The following CLCA1 variants were observed in gnomAD, a reference collection of about 807,000 sequenced individuals.
CLCA1 encodes the protein calcium-activated chloride channel regulator 1.
A neutral mutation model predicts 85.6 loss-of-function variants in CLCA1; 59 were observed. That is an observed-to-expected ratio of 0.69 (90% CI 0.56 to 0.86). CLCA1 has a LOEUF of 0.86. Among genes scored for constraint, CLCA1 ranks in the 40% least tolerant of loss-of-function variants. The pLI, the probability that CLCA1 is intolerant of heterozygous loss-of-function variation, is 0.00. For synonymous variants in CLCA1, 396 were observed against 398.3 expected, an observed-to-expected ratio of 0.99 and a Z score of 0.07; for missense variants, 1,022 against 1,101.4, an observed-to-expected ratio of 0.93 and a Z score of 1.02.
chr1:86,484,247 T>C (rs2791510), intron 5 of CLCA1, among the ~76,000 whole-genome samples: 131,802 of 152,208 alleles, frequency 0.87, 57,093 homozygotes, highest in Admixed American at 0.89. Flanking sequence ...CTACAAGATA[T>C]CGTGAAGCTA....
intron 12 of CLCA1, among the ~76,000 whole-genome samples, chr1:86,498,165 AGGAAGGAAGGAAGGAAGGAAGGAT>A (rs1385761343): frequency 1.3e-4 from 17 of 126,380 alleles, no homozygotes; most frequent in Middle Eastern, 4.0e-3. Flanking sequence ...AAAGGAAGGA[AGGAAGGAAGGAAGGAAGGAAGGAT>A]GGAAGGAAGG....
At position 86,494,098 on chromosome 1, in the gene CLCA1, A is replaced by G. The variant is rs185303379; in HGVS notation, c.1681-89A>G. 6.3e-6 allele frequency: 9 copies of G among 1,439,024 alleles called. No homozygotes were observed. The East Asian group carries it at 1.6e-4, about 26-fold the overall frequency. The allele number at this position is 1,439,024 out of a possible 1,614,324, so 89.1% of individuals were successfully genotyped here. On this transcript the variant is annotated intron_variant, in intron 10 of 13. Coordinates refer to ENST00000394711, the MANE Select transcript of CLCA1 (RefSeq NM_001285.4). Reference sequence around the variant, plus strand: ...TTAGATATGCTTCCAACATGCTTATATCAGAGGGTTTTCCCGTACGTGACA... The same window carrying G: ...TTAGATATGCTTCCAACATGCTTATGTCAGAGGGTTTTCCCGTACGTGACA...
In CLCA1 at chr1:86,474,813, T is replaced by C. The variant is rs1452050889; in HGVS notation, c.451+937T>C. Among the ~76,000 whole-genome samples, 5 of 152,188 alleles carry C rather than the reference T, an allele frequency of 3.3e-5. No individual in the cohort carries two copies. In the East Asian group the frequency reaches 7.7e-4, roughly 23 times the overall value. The stretch of plus-strand genomic sequence containing the variant: ...AGGAAATATTAAACAAGTAATGACA[T>C]ATATATAAAATGTACTTTCCAAGAA... On this transcript the variant is annotated intron_variant, in intron 3 of 13. Transcript: ENST00000394711.
chr1:86,485,736 T>C (rs897485979), intron 6 of CLCA1, among the ~76,000 whole-genome samples, 175 bp downstream of exon 6: 3 of 152,230 alleles, frequency 2.0e-5, no homozygotes, highest in Non-Finnish European at 4.4e-5. Context: ...CAGCATCAAC[T>C]ATCTCATTTG....
At position 86,485,805 on chromosome 1, in the gene CLCA1, C is replaced by T. The variant is rs1302722299; in HGVS notation, c.954+244C>T. On this transcript the variant is annotated intron_variant, in intron 6 of 13. Coordinates refer to ENST00000394711, the MANE Select transcript of CLCA1 (RefSeq NM_001285.4). ...GATCTGATGAATTATATGAGCTTAA[C>T]ATTTTTAATGTTTCACTGACAATAT... Among the ~76,000 whole-genome samples the T allele has an allele frequency of 5.9e-5, 9 of 152,256 alleles. No homozygotes were observed. In the East Asian group the frequency reaches 1.4e-3, roughly 23 times the overall value.
intron 5 of CLCA1, among the ~76,000 whole-genome samples, 200 bp from the exon 6 acceptor site, chr1:86,485,143 A>T (rs576204931): frequency 1.3e-5 from 2 of 152,290 alleles, no homozygotes; most frequent in Non-Finnish European, 2.9e-5. Context: ...GCTGAGGAGC[A>T]CTAAGGGTCC....
chr1:86,474,037 A>AT, intron 3 of CLCA1, among the ~76,000 whole-genome samples, 161 bp downstream of exon 3: 1 of 152,386 alleles, frequency 6.6e-6, no homozygotes, highest in East Asian at 1.9e-4. Context: ...CATTTCACTT[A>AT]GAATTTCCAG....
intron 3 of CLCA1, among the ~76,000 whole-genome samples, chr1:86,476,063 ATGC>A (rs1335006110): frequency 6.6e-6 from 1 of 152,080 alleles, no homozygotes; most frequent in Non-Finnish European, 1.5e-5. Context: ...TTGGTTGAGG[ATGC>A]TGCCCTGGCT....
At chr1:86,475,007 A>T (rs978068755) in intron 3 of CLCA1, among the ~76,000 whole-genome samples, 2 of 152,098 alleles carry the variant, frequency 1.3e-5, no homozygotes, top group Non-Finnish European at 1.5e-5. Flanking sequence ...GCGCTTAAAG[A>T]CCTGGTCAAA....
chr1:86,493,236 G>A lies in CLCA1; in HGVS notation c.1465-148G>A, dbSNP rs953597494. On this transcript the variant is annotated intron_variant, in intron 9 of 13. Transcript: ENST00000394711. ...AAGGCTAGAAAGGTAACTTAGAACT[G>A]CATCATAATTGCTCCTAACACCAAA... The A allele has an allele frequency of 2.0e-5, 13 of 639,118 alleles. No homozygotes were observed. In the South Asian group the frequency reaches 2.5e-4, roughly 12 times the overall value. The allele number at this position is 639,118 out of a possible 1,614,324, so 39.6% of individuals were successfully genotyped here.
chr1:86,491,613 A>G (rs1315164638), intron 9 of CLCA1, among the ~76,000 whole-genome samples: 1 of 152,252 alleles, frequency 6.6e-6, no homozygotes, highest in Admixed American at 6.5e-5. Context: ...GTCAGCAGAT[A>G]AAATGTCATA....
intron 3 of CLCA1, 33 bp from the exon 4 acceptor site, chr1:86,476,415 T>C (rs1446039221): frequency 9.2e-7 from 1 of 1,088,094 alleles, no homozygotes; most frequent in East Asian, 2.4e-5. Context: ...GCCATTCTTA[T>C]TGTAATCAGT....
At chr1:86,475,837 A>G (rs938993836) in intron 3 of CLCA1, among the ~76,000 whole-genome samples, 1 of 152,204 alleles carries the variant, frequency 6.6e-6, no homozygotes, top group East Asian at 1.9e-4. Flanking sequence ...AAGGCTGCAG[A>G]GAAGAGCAGG....
chr1:86,473,919 T>C, intron 3 of CLCA1, 43 bp downstream of exon 3: 1 of 1,458,382 alleles, frequency 6.9e-7, no homozygotes, highest in Non-Finnish European at 9.3e-7. Context: ...TTTAACTATT[T>C]TATGTTCAAA....
In CLCA1 at chr1:86,498,589, C is replaced by T. The variant is rs778515567; in HGVS notation, c.2131C>T (p.Pro711Ser). Reference sequence around the variant, plus strand: ...TAATGCAGATGAAATACAATGGAATCCACCAAGACCTGAAATTAATAAGGA... The same window carrying T: ...TAATGCAGATGAAATACAATGGAATTCACCAAGACCTGAAATTAATAAGGA... ...WIENDEIQWNPPRPEINKDDV... is the reference protein window; with the variant it reads ...WIENDEIQWNSPRPEINKDDV... Residue 711 changes from proline to serine, a missense_variant, in exon 13 of 14, where the codon CCA (proline) becomes TCA (serine). By Grantham distance (74) the Pro-to-Ser change is moderately conservative. Transcript: ENST00000394711. 6.2e-7 allele frequency: 1 copy of T among 1,613,038 alleles called. No homozygotes were observed. Among genetic ancestry groups the T allele is most frequent in the South Asian group, 1.1e-5 (1 of 91,002 alleles).
chr1:86,486,875 T>A, intron 7 of CLCA1, 122 bp downstream of exon 7: 1 of 828,820 alleles, frequency 1.2e-6, no homozygotes, highest in East Asian at 2.6e-5. Flanking sequence ...CAAGGAGCAA[T>A]ATTCCATATT....
At chr1:86,485,275 C>A in intron 5 of CLCA1, 68 bp from the exon 6 acceptor site, 1 of 1,265,454 alleles carries the variant, frequency 7.9e-7, no homozygotes, top group Non-Finnish European at 1.1e-6. Flanking sequence ...GCAGACAGGT[C>A]TAACAAATTA....
At position 86,493,416 on chromosome 1, in the gene CLCA1, C is replaced by G; in HGVS notation, c.1497C>G (p.Ser499Arg). Residue 499 changes from serine (S) to arginine (R), a missense_variant, in exon 10 of 14, where the codon AGC becomes AGG. Transcript: ENST00000394711. ...GTAAGGGATTAACCCTCCAGAACAG[C>G]CAGTGGATGAATGGCACAGTGATCG... Reference protein sequence around the residue: ...LESKGLTLQNSQWMNGTVIVD... With the variant: ...LESKGLTLQNRQWMNGTVIVD... The G allele has an allele frequency of 6.2e-7, 1 of 1,613,960 alleles. No homozygotes were observed. The highest frequency in any genetic ancestry group is 8.5e-7 in the Non-Finnish European group (1 of 1,179,926).
At chr1:86,472,026 G>GTT (rs111327696) in intron 1 of CLCA1, among the ~76,000 whole-genome samples, 17,971 of 148,556 alleles carry the variant, frequency 0.12, 1,085 homozygotes, top group Middle Eastern at 0.18. Context: ...TTACATTTTT[G>GTT]TTTTTTTTTT....
Sources: allele counts gnomAD v4.1 joint callset (sites outside exome capture counted in the v4.1 genomes callset), GRCh38; gene constraint gnomAD v4.1.1; transcripts MANE v1.5; gene names NCBI Gene and HGNC (gene_info 2026-07-23, HGNC 2026-07-21).